The following CCDC7 variants were observed in gnomAD, a reference collection of about 807,000 sequenced individuals.
CCDC7 encodes the protein coiled-coil domain containing 7.
CCDC7 carries 183 observed loss-of-function variants against 196.9 expected under a neutral mutation model. That is an observed-to-expected ratio of 0.93 (90% CI 0.82 to 1.05). The LOEUF is 1.05. Ranked by LOEUF, CCDC7 falls within the 50% of genes least tolerant of loss-of-function variation. The probability of loss-of-function intolerance (pLI) is 0.00; values close to 1 mark genes in which losing one functional copy is unlikely to be tolerated. For missense variants in CCDC7, 1,540 were observed against 1,482.2 expected (o/e 1.04, Z -0.64); for synonymous variants, 525 against 484.6 (o/e 1.08, Z -1.10).
At chr10:32,641,211 T>TG in intron 20 of CCDC7, among the ~76,000 whole-genome samples, 1 of 152,332 alleles carries the variant, frequency 6.6e-6, no homozygotes. Flanking sequence ...CTTGCTAGAT[T>TG]GGGGAAGTTC....
intron 28 of CCDC7, among the ~76,000 whole-genome samples, chr10:32,751,723 T>G (rs2075688435): frequency 6.6e-6 from 1 of 152,164 alleles, no homozygotes; most frequent in South Asian, 2.1e-4. Flanking sequence ...CCATCAGACT[T>G]GCTGCTTGTG....
At chr10:32,856,841 G>A (rs2086767179) in intron 41 of CCDC7, among the ~76,000 whole-genome samples, 1 of 152,064 alleles carries the variant, frequency 6.6e-6, no homozygotes, top group Non-Finnish European at 1.5e-5. Flanking sequence ...CCTGATCCTG[G>A]GCCTGAGATA....
intron 18 of CCDC7, among the ~76,000 whole-genome samples, chr10:32,602,680 T>C (rs2061180947): frequency 6.6e-6 from 1 of 152,236 alleles, no homozygotes; most frequent in African/African-American, 2.4e-5. Flanking sequence ...GGAAAGTTTC[T>C]TAAACTCTCT....
chr10:32,807,799 T>G (rs1030169836), intron 30 of CCDC7, among the ~76,000 whole-genome samples: 5 of 151,776 alleles, frequency 3.3e-5, no homozygotes, highest in Admixed American at 2.6e-4. Context: ...AGATGCAGCA[T>G]AGTGCCTTTT....
At position 32,482,314 on chromosome 10, in the gene CCDC7, T is replaced by G. The variant is rs143408893; in HGVS notation, c.796+8291T>G. On this transcript the variant is annotated intron_variant, in intron 8 of 41. Transcript: ENST00000639629. The stretch of plus-strand genomic sequence containing the variant: ...CCCATCACCTGAATAGTGAACATTG[T>G]ATCCAATAGGTAATAGCCTTTAAAA... Among the ~76,000 whole-genome samples the G allele has an allele frequency of 2.5e-3, 373 of 152,192 alleles. 2 individuals carry two copies. Among genetic ancestry groups the G allele is most frequent in the Non-Finnish European group, 2.0e-3 (138 of 68,006 alleles).
downstream of CCDC7, among the ~76,000 whole-genome samples, chr10:32,881,402 C>A (rs1003754559): frequency 2.6e-5 from 4 of 152,060 alleles, no homozygotes. Flanking sequence ...GAATTTTCAA[C>A]AAAATTATTG....
intron 39 of CCDC7, among the ~76,000 whole-genome samples, chr10:32,850,083 C>T (rs563225445): frequency 2.0e-5 from 3 of 152,210 alleles, no homozygotes; most frequent in East Asian, 1.9e-4. Context: ...GGAAACAATA[C>T]CAGGATGTTC....
At chr10:32,636,490 G>T (rs1270774238) in intron 20 of CCDC7, among the ~76,000 whole-genome samples, 2 of 151,744 alleles carry the variant, frequency 1.3e-5, no homozygotes, top group African/African-American at 4.8e-5. Context: ...TTGGTTTTTT[G>T]TCCTTGCGAT....
chr10:32,787,636 C>T (rs2082074868), intron 29 of CCDC7, among the ~76,000 whole-genome samples: 2 of 152,192 alleles, frequency 1.3e-5, no homozygotes, highest in South Asian at 4.1e-4. Context: ...CCAATGCCAG[C>T]CAGGCCCCTA....
intron 20 of CCDC7, among the ~76,000 whole-genome samples, chr10:32,659,393 A>G (rs1299498037): frequency 6.6e-6 from 1 of 152,236 alleles, no homozygotes; most frequent in Non-Finnish European, 1.5e-5. Flanking sequence ...GTAAGAAAAG[A>G]TAATTGATAT....
intron 11 of CCDC7, among the ~76,000 whole-genome samples, chr10:32,523,086 G>A (rs1247451174): frequency 6.6e-6 from 1 of 152,090 alleles, no homozygotes; most frequent in African/African-American, 2.4e-5. Flanking sequence ...CTAACATATG[G>A]TATATCCTTG....
At chr10:32,450,349 C>T (rs1165330468), upstream of CCDC7, among the ~76,000 whole-genome samples, 1 of 152,184 alleles carries the variant, frequency 6.6e-6, no homozygotes, top group Non-Finnish European at 1.5e-5. Flanking sequence ...AGTATGACCA[C>T]ATCTTAACTT....
chr10:32,518,347 A>T, intron 10 of CCDC7, 69 bp from the exon 12 acceptor site: 1 of 1,434,722 alleles, frequency 7.0e-7, no homozygotes, highest in Admixed American at 2.6e-5. Context: ...CTTAATAATT[A>T]AATATCTGAA....
chr10:32,656,724 C>T (rs1006177779), intron 20 of CCDC7, among the ~76,000 whole-genome samples: 1 of 152,172 alleles, frequency 6.6e-6, no homozygotes, highest in Non-Finnish European at 1.5e-5. Flanking sequence ...CCACCCGGCC[C>T]CTCCCAAATC....
At chr10:32,620,717 T>C (rs1390814523) in intron 18 of CCDC7, among the ~76,000 whole-genome samples, 1 of 152,200 alleles carries the variant, frequency 6.6e-6, no homozygotes, top group Non-Finnish European at 1.5e-5. Context: ...TGTTTAGCAG[T>C]GTCTGATTAA....
At chr10:32,768,811 A>G (rs12357337) in intron 28 of CCDC7, among the ~76,000 whole-genome samples, 21,057 of 152,156 alleles carry the variant, frequency 0.14, 1,768 homozygotes, top group East Asian at 0.25. Context: ...TTTGTGTTGA[A>G]TAACATTTAT....
At chr10:32,667,005 G>A (rs1388206431) in intron 21 of CCDC7, among the ~76,000 whole-genome samples, 9 of 152,200 alleles carry the variant, frequency 5.9e-5, no homozygotes, top group Non-Finnish European at 8.8e-5. Flanking sequence ...GTGTAAAAGC[G>A]TTCCTATTTC....
chr10:32,472,447 A>G (rs1320057672), intron 6 of CCDC7, 34 bp from the exon 8 acceptor site: 3 of 1,539,000 alleles, frequency 1.9e-6, no homozygotes, highest in East Asian at 2.4e-5. Flanking sequence ...TCTTTGATAT[A>G]TTAAAAAATA....
At chr10:32,689,230 T>C in intron 23 of CCDC7, 67 bp downstream of exon 24, 4 of 1,071,934 alleles carry the variant, frequency 3.7e-6, no homozygotes, top group Non-Finnish European at 5.4e-6. Flanking sequence ...GTATTTTTGC[T>C]TTGATTCACA....
Sources: allele counts gnomAD v4.1 joint callset (sites outside exome capture counted in the v4.1 genomes callset), GRCh38; gene constraint gnomAD v4.1.1; transcripts MANE v1.5; gene names NCBI Gene and HGNC (gene_info 2026-07-23, HGNC 2026-07-21).